The following RAPGEF2 variants were observed in gnomAD, a reference collection of about 807,000 sequenced individuals.
RAPGEF2 encodes the protein PDZ domain containing guanine nucleotide exchange factor (GEF) 1.
RAPGEF2 carries 54 observed loss-of-function variants against 186.7 expected under a neutral mutation model. The observed-to-expected ratio is 0.29, with a 90% CI of 0.23 to 0.36. The LOEUF (loss-of-function observed/expected upper bound fraction) is 0.36, where lower values mean the gene tolerates loss of function less well. RAPGEF2 is among the 10% of genes least tolerant of loss of function. The pLI, the probability that RAPGEF2 is intolerant of heterozygous loss-of-function variation, is 1.00. For synonymous variants in RAPGEF2, 712 were observed against 705.9 expected (o/e 1.01, Z -0.14); for missense variants, 1,532 against 2,045.0 (o/e 0.75, Z 4.84).
chr4:159,213,551 C>T (rs1430481613), intron 4 of RAPGEF2, among the ~76,000 whole-genome samples: 1 of 152,136 alleles, frequency 6.6e-6, no homozygotes, highest in Non-Finnish European at 1.5e-5. Context: ...CACATGATTT[C>T]ATCCGGTGAA....
chr4:159,357,734 C>T (rs1732237302), intron 29 of RAPGEF2, among the ~76,000 whole-genome samples: 1 of 151,972 alleles, frequency 6.6e-6, no homozygotes, highest in Non-Finnish European at 1.5e-5. Flanking sequence ...ACTTAAAATC[C>T]TGTCACTTGC....
chr4:159,334,131 A>G (rs918361103), intron 17 of RAPGEF2, among the ~76,000 whole-genome samples: 6 of 152,258 alleles, frequency 3.9e-5, no homozygotes, highest in African/African-American at 1.4e-4. Context: ...CTAAGAGACA[A>G]TGGATTAGGG....
chr4:159,156,367 TAAAA>T (rs1323476472), intron 1 of RAPGEF2, among the ~76,000 whole-genome samples: 2 of 152,134 alleles, frequency 1.3e-5, no homozygotes, highest in Non-Finnish European at 2.9e-5. Context: ...ATAACACAAC[TAAAA>T]AAAGAAAAGA....
chr4:159,157,000 A>G (rs1185698248), intron 1 of RAPGEF2, among the ~76,000 whole-genome samples: 1 of 152,164 alleles, frequency 6.6e-6, no homozygotes, highest in Non-Finnish European at 1.5e-5. Flanking sequence ...AGGAATATGT[A>G]TTATTTAAGA....
chr4:159,131,954 A>G (rs1241335809), intron 1 of RAPGEF2, among the ~76,000 whole-genome samples: 1 of 152,154 alleles, frequency 6.6e-6, no homozygotes, highest in African/African-American at 2.4e-5. Flanking sequence ...ATCCAGATTC[A>G]AATCTGGATA....
intron 1 of RAPGEF2, among the ~76,000 whole-genome samples, chr4:159,135,695 G>A (rs1741643396): frequency 6.6e-6 from 1 of 152,220 alleles, no homozygotes; most frequent in Non-Finnish European, 1.5e-5. Context: ...TGCCTCCCGG[G>A]TTCAAGCGAT....
chr4:159,271,542 G>A (rs1041858878), intron 7 of RAPGEF2, among the ~76,000 whole-genome samples: 1 of 152,088 alleles, frequency 6.6e-6, no homozygotes, highest in African/African-American at 2.4e-5. Flanking sequence ...AGAAAACTGA[G>A]ATTAAAAAGA....
At chr4:159,190,211 G>A (rs1316948081) in intron 2 of RAPGEF2, among the ~76,000 whole-genome samples, 1 of 152,172 alleles carries the variant, frequency 6.6e-6, no homozygotes, top group African/African-American at 2.4e-5. Flanking sequence ...AAATAGCATA[G>A]GAGTTTGGAT....
At chr4:159,193,179 A>C in intron 2 of RAPGEF2, 21 bp from the exon 3 acceptor site, 2 of 1,447,674 alleles carry the variant, frequency 1.4e-6, no homozygotes, top group Non-Finnish European at 1.8e-6. Context: ...TGTTGAACTC[A>C]TGTTTTTATC....
intron 3 of RAPGEF2, 130 bp from the exon 4 acceptor site, chr4:159,210,370 A>C (rs933578585): frequency 1.8e-6 from 1 of 558,448 alleles, no homozygotes; most frequent in East Asian, 2.9e-5. Context: ...TGGTATTTTT[A>C]TGAATGTGTT....
At chr4:159,171,694 T>TG (rs918435322) in intron 1 of RAPGEF2, among the ~76,000 whole-genome samples, 1 of 152,048 alleles carries the variant, frequency 6.6e-6, no homozygotes, top group East Asian at 1.9e-4. Flanking sequence ...ATTTTTTTTT[T>TG]TAAGAATCTT....
Position 159,210,536 on chromosome 4 carries a change from T to C in RAPGEF2, c.234T>C (p.Leu78=). 1 of 1,535,026 alleles carries C rather than the reference T, an allele frequency of 6.5e-7. No individual in the cohort carries two copies. Among genetic ancestry groups the C allele is most frequent in the Non-Finnish European group, 8.7e-7 (1 of 1,145,988 alleles). Residue 78 remains leucine (L), a synonymous_variant, in exon 4 of 30, where the codon CTT becomes CTC. Coordinates refer to ENST00000691494, the MANE Select transcript of RAPGEF2 (RefSeq NM_001394067.2). ...TTGGGACCTGCTGGTATATCCTTCT[T>C]TCTGGTTCCGTGTTCATCAAGGAAT... ...DDIGTCWYIL[L]SGSVFIKESM... is the part of the protein sequence containing the mutation.
intron 7 of RAPGEF2, among the ~76,000 whole-genome samples, chr4:159,293,270 A>C (rs951025952): frequency 1.3e-5 from 2 of 152,326 alleles, no homozygotes; most frequent in African/African-American, 4.8e-5. Context: ...ACTGTTTATC[A>C]CATCGGTTTC....
chr4:159,288,350 T>TA (rs1760769170), intron 7 of RAPGEF2, among the ~76,000 whole-genome samples: 1 of 152,202 alleles, frequency 6.6e-6, no homozygotes, highest in Non-Finnish European at 1.5e-5. Flanking sequence ...ATCACCTTTA[T>TA]GGTGCTTCCA....
rs567432817 is a variant in RAPGEF2, at chr4:159,223,492, G to A, written c.281+12909G>A. Reference sequence around the variant, plus strand: ...TTTTCAGATAGTTTTAAAAATGAGGGCAATGGTTAAAATTTGTCAAACACA... The same window carrying A: ...TTTTCAGATAGTTTTAAAAATGAGGACAATGGTTAAAATTTGTCAAACACA... On this transcript the variant is annotated intron_variant, in intron 4 of 29. Transcript: ENST00000691494. 3.3e-5 allele frequency among the ~76,000 whole-genome samples: 5 copies of A among 152,186 alleles called. No homozygotes were observed. The South Asian group carries it at 8.3e-4, about 25-fold the overall frequency.
intron 10 of RAPGEF2, 83 bp downstream of exon 10, chr4:159,322,566 T>A: frequency 8.2e-7 from 1 of 1,218,168 alleles, no homozygotes; most frequent in Non-Finnish European, 1.2e-6. Flanking sequence ...CAATTCTTAC[T>A]TTTTCCTTTT....
chr4:159,187,025 C>T (rs1354822417), intron 2 of RAPGEF2, among the ~76,000 whole-genome samples: 2 of 152,136 alleles, frequency 1.3e-5, no homozygotes, highest in Non-Finnish European at 2.9e-5. Flanking sequence ...AACACCAGGA[C>T]TTATTTCTCC....
chr4:159,132,882 G>GTT (rs199633780), intron 1 of RAPGEF2, among the ~76,000 whole-genome samples: 23 of 140,458 alleles, frequency 1.6e-4, no homozygotes, highest in African/African-American at 3.9e-4. Context: ...TATATACTTA[G>GTT]TTTTTTTTTT....
chr4:159,346,541 G>A (rs1730333953), intron 24 of RAPGEF2, among the ~76,000 whole-genome samples: 1 of 152,070 alleles, frequency 6.6e-6, no homozygotes, highest in Admixed American at 6.5e-5. Flanking sequence ...GTGTTTAATA[G>A]TACAATCATC....
Sources: allele counts gnomAD v4.1 joint callset (sites outside exome capture counted in the v4.1 genomes callset), GRCh38; gene constraint gnomAD v4.1.1; transcripts MANE v1.5; gene names NCBI Gene and HGNC (gene_info 2026-07-23, HGNC 2026-07-21).